The following VPS45 variants were observed in gnomAD, a reference collection of about 807,000 sequenced individuals.
VPS45 encodes vacuolar protein sorting-associated protein 45.
Under a neutral mutation model 75.9 loss-of-function variants are expected in VPS45, and 35 were observed. That is an observed-to-expected ratio of 0.46 (90% CI 0.35 to 0.61). The LOEUF (loss-of-function observed/expected upper bound fraction) is 0.61. VPS45 is among the 20% of genes least tolerant of loss of function. VPS45 has a pLI of 0.00. For missense variants in VPS45, 559 were observed against 685.9 expected (o/e 0.81, Z 2.07); for synonymous variants, 220 against 238.2 (o/e 0.92, Z 0.70).
At chr1:150,108,052 A>G (rs1358387985) in intron 13 of VPS45, among the ~76,000 whole-genome samples, 5 of 152,166 alleles carry the variant, frequency 3.3e-5, no homozygotes, top group African/African-American at 1.2e-4. Flanking sequence ...GATGAGTCCA[A>G]AGTTTTTGGC....
chr1:150,075,138 CTTTTT>C (rs34217482), intron 3 of VPS45, among the ~76,000 whole-genome samples: 2 of 119,248 alleles, frequency 1.7e-5, no homozygotes, highest in Admixed American at 8.8e-5. Flanking sequence ...TTAAAATTGT[CTTTTT>C]TTTTTTTTTT....
chr1:150,097,348 G>A (rs1335379954), intron 13 of VPS45, among the ~76,000 whole-genome samples: 16 of 151,328 alleles, frequency 1.1e-4, no homozygotes, highest in Non-Finnish European at 1.6e-4. Context: ...CTCGTGATCC[G>A]CCCGCCTCGG....
intron 14 of VPS45, among the ~76,000 whole-genome samples, chr1:150,130,198 C>CTTTT (rs34302545): frequency 0.74 from 63,512 of 86,402 alleles, 25,428 homozygotes; most frequent in East Asian, 0.95. Flanking sequence ...CACACACACA[C>CTTTT]TTTTTTTTTT....
chr1:150,125,499 A>G (rs1658462391), intron 14 of VPS45, among the ~76,000 whole-genome samples: 1 of 151,480 alleles, frequency 6.6e-6, no homozygotes, highest in African/African-American at 2.4e-5. Flanking sequence ...TGTCCTTTGT[A>G]GGGACATGGA....
intron 14 of VPS45, among the ~76,000 whole-genome samples, chr1:150,129,321 C>T (rs1280399075): frequency 6.6e-6 from 1 of 151,998 alleles, no homozygotes; most frequent in Non-Finnish European, 1.5e-5. Context: ...TTTGTTTGTG[C>T]ACTGTAACGT....
chr1:150,068,560 G>C lies in VPS45; in HGVS notation c.94-70G>C, dbSNP rs782397089. 3.1e-4 allele frequency: 416 copies of C among 1,343,448 alleles called. 1 individual carries two copies. Among genetic ancestry groups the C allele is most frequent in the Non-Finnish European group, 3.9e-4 (396 of 1,021,126 alleles). 83.2% of individuals were successfully genotyped at this position (1,343,448 alleles called of 1,614,324 possible). A position where few individuals can be genotyped will look rare whatever the true frequency, so the allele number is the denominator to read the frequency against. Reference sequence around the variant, plus strand: ...CCAGCTAAGTATTAATGAAAAAAGAGGGTTAGATGTGCTACTTGTTTTTAT... The same window carrying C: ...CCAGCTAAGTATTAATGAAAAAAGACGGTTAGATGTGCTACTTGTTTTTAT... On this transcript the variant is annotated intron_variant, in intron 1 of 14. Transcript: ENST00000644510.
chr1:150,094,484 T>TA (rs1192073487), intron 13 of VPS45, among the ~76,000 whole-genome samples: 2 of 152,172 alleles, frequency 1.3e-5, no homozygotes, highest in African/African-American at 4.8e-5. Context: ...TTTTATGTGA[T>TA]AAAGTGTATT....
At chr1:150,099,321 C>T (rs1656836185) in intron 13 of VPS45, among the ~76,000 whole-genome samples, 1 of 151,744 alleles carries the variant, frequency 6.6e-6, no homozygotes, top group Admixed American at 6.6e-5. Context: ...ATAGTGAAAC[C>T]TTGTCTCTAC....
chr1:150,072,713 T>G (rs1655149498), intron 3 of VPS45, among the ~76,000 whole-genome samples: 1 of 151,998 alleles, frequency 6.6e-6, no homozygotes, highest in Non-Finnish European at 1.5e-5. Context: ...AAATGTGATT[T>G]CCATTCATCT....
At chr1:150,110,818 T>G (rs1657611204) in intron 14 of VPS45, among the ~76,000 whole-genome samples, 191 bp downstream of exon 14, 1 of 152,196 alleles carries the variant, frequency 6.6e-6, no homozygotes, top group South Asian at 2.1e-4. Flanking sequence ...GTTCGTTAAG[T>G]TCATAAATCT....
In VPS45 at chr1:150,076,985, G is replaced by A. The variant is rs1553798238; in HGVS notation, c.438+1G>A. The A allele has an allele frequency of 6.2e-7, 1 of 1,614,096 alleles. No individual in the cohort carries two copies. The highest frequency in any genetic ancestry group is 1.1e-5 in the South Asian group (1 of 91,076). ...CCTCAATATTTTGGGTTGCTGCCAG[G>A]TATGGAAGGAAAGGTTTAATTTATC... On this transcript the variant is annotated splice_donor_variant, in intron 5 of 14. Transcript: ENST00000644510. LOFTEE classifies it high-confidence loss of function.
At chr1:150,117,432 G>C (rs1169624015) in intron 14 of VPS45, among the ~76,000 whole-genome samples, 2 of 151,708 alleles carry the variant, frequency 1.3e-5, no homozygotes, top group East Asian at 3.9e-4. Context: ...TGAGGCAGGA[G>C]AATCGTTTGA....
intron 13 of VPS45, among the ~76,000 whole-genome samples, chr1:150,101,758 A>G (rs1553804420): frequency 6.6e-6 from 1 of 151,920 alleles, no homozygotes; most frequent in East Asian, 1.9e-4. Context: ...GTCAAAAATA[A>G]CAGAACCTGG....
In VPS45 at chr1:150,089,434, C is replaced by T. The variant is rs375922362; in HGVS notation, c.1105-2503C>T. 2.0e-5 allele frequency among the ~76,000 whole-genome samples: 3 copies of T among 152,062 alleles called. No homozygotes were observed. The East Asian group carries it at 5.8e-4, about 29-fold the overall frequency. On this transcript the variant is annotated intron_variant, in intron 10 of 14. Transcript: ENST00000644510. ...AGTACTGTGGCACGTAATCTCGGCT[C>T]ACTGCAACCTCCGCCTCCCAGGTTC...
chr1:150,080,892 C>T (rs587730119), intron 7 of VPS45, among the ~76,000 whole-genome samples: 18 of 152,232 alleles, frequency 1.2e-4, no homozygotes, highest in Admixed American at 6.5e-4. Context: ...TATTAGTGTT[C>T]CCAGGACAAA....
chr1:150,113,206 G>A (rs1559930127), intron 14 of VPS45, among the ~76,000 whole-genome samples: 2 of 151,860 alleles, frequency 1.3e-5, no homozygotes, highest in East Asian at 1.9e-4. Context: ...CTATCTAGAG[G>A]CCCACCAAGA....
At chr1:150,129,484 T>C (rs373825435) in intron 14 of VPS45, among the ~76,000 whole-genome samples, 20 of 152,324 alleles carry the variant, frequency 1.3e-4, no homozygotes, top group African/African-American at 4.6e-4. Context: ...AAAATAGCCA[T>C]ACTGCCACCA....
chr1:150,082,894 T>G lies in VPS45; in HGVS notation c.1104+11T>G, dbSNP rs1553799793. Reference sequence around the variant, plus strand: ...TCTAGTGCTCTCCAGGTCAGTCCAATTTGATGAGCACCTACTATGTGTAAG... The same window carrying G: ...TCTAGTGCTCTCCAGGTCAGTCCAAGTTGATGAGCACCTACTATGTGTAAG... On this transcript the variant is annotated intron_variant, in intron 10 of 14. Transcript: ENST00000644510. 6.2e-7 allele frequency: 1 copy of G among 1,611,242 alleles called. No individual in the cohort carries two copies. Among genetic ancestry groups the G allele is most frequent in the African/African-American group, 1.3e-5 (1 of 74,800 alleles).
Position 150,107,542 on chromosome 1 carries a change from C to G in VPS45, c.1494-2954C>G, listed in dbSNP as rs587766688. On this transcript the variant is annotated intron_variant, in intron 13 of 14. Transcript: ENST00000644510. ...AAGTCTTACACTAGCCTTTTATTCTCCAACTTTTCCCAACAGTTACACCCA... is the reference window on the plus strand; with the variant it reads ...AAGTCTTACACTAGCCTTTTATTCTGCAACTTTTCCCAACAGTTACACCCA... 7.4e-4 allele frequency among the ~76,000 whole-genome samples: 113 copies of G among 152,280 alleles called. 2 individuals are homozygous for G. The highest frequency in any genetic ancestry group is 2.5e-3 in the African/African-American group (103 of 41,550).
Sources: gnomAD v4.1 joint callset for allele counts (sites outside exome capture counted in the v4.1 genomes callset) on GRCh38, gnomAD v4.1.1 for gene constraint, MANE v1.5 for transcripts, NCBI Gene and HGNC (gene_info 2026-07-23, HGNC 2026-07-21) for gene names.